The following CFDP1 variants were observed in gnomAD, a reference collection of about 807,000 sequenced individuals.
CFDP1 encodes heterochromatin-stabilizing protein CFDP1.
In CFDP1, 31 loss-of-function variants were observed where a neutral mutation model predicts 40.1. That is an observed-to-expected ratio of 0.77 (90% CI 0.58 to 1.04). CFDP1 has a LOEUF of 1.04. Among genes scored for constraint, CFDP1 ranks in the 50% least tolerant of loss-of-function variants. The pLI, the probability that CFDP1 is intolerant of heterozygous loss-of-function variation, is 0.00. For synonymous variants in CFDP1, 167 were observed against 120.0 expected (o/e 1.39, Z -2.56); for missense variants, 423 against 343.4 (o/e 1.23, Z -1.83).
rs2079165497 is a variant in CFDP1, at chr16:75,411,848, A to G, written c.507T>C (p.Phe169=). The G allele has an allele frequency of 6.2e-7, 1 of 1,609,046 alleles. No homozygotes were observed. The highest frequency in any genetic ancestry group is 1.1e-5 in the South Asian group (1 of 89,262). The change falls in exon 4 of 7, where the codon TTT becomes TTC. Residue 169 remains phenylalanine, a synonymous_variant. Transcript: ENST00000283882. ...ACCTTACTTCTTCACCAGCAAAATCAAACACCTTGGTGATTTTAACTTTTT... is the reference window on the plus strand; with the variant it reads ...ACCTTACTTCTTCACCAGCAAAATCGAACACCTTGGTGATTTTAACTTTTT... The part of the protein sequence containing the change: ...ETEKVKITKV[F]DFAGEEVRVT...
At chr16:75,332,592 G>A (rs1041633199) in intron 5 of CFDP1, among the ~76,000 whole-genome samples, 6 of 151,840 alleles carry the variant, frequency 4.0e-5, no homozygotes, top group Admixed American at 1.3e-4. Context: ...CTTTAAGCCC[G>A]AGAGGTTGAG....
chr16:75,319,173 A>T (rs1168096545), intron 5 of CFDP1, among the ~76,000 whole-genome samples: 3 of 152,114 alleles, frequency 2.0e-5, no homozygotes, highest in Admixed American at 1.3e-4. Context: ...ACTCCTGAGT[A>T]GCTGGGATTA....
chr16:75,348,441 A>G (rs1470688080), intron 5 of CFDP1, among the ~76,000 whole-genome samples: 1 of 152,240 alleles, frequency 6.6e-6, no homozygotes, highest in Non-Finnish European at 1.5e-5. Flanking sequence ...TAAAATTTAA[A>G]AACAATAAAC....
intron 5 of CFDP1, among the ~76,000 whole-genome samples, chr16:75,339,569 G>A (rs1194895230): frequency 2.6e-5 from 4 of 152,122 alleles, no homozygotes; most frequent in Non-Finnish European, 1.5e-5. Context: ...CTTCACCACT[G>A]CCAATCTCCA....
intron 1 of CFDP1, among the ~76,000 whole-genome samples, chr16:75,432,873 G>C (rs1028276663): frequency 1.3e-5 from 2 of 151,310 alleles, no homozygotes; most frequent in African/African-American, 2.4e-5. Context: ...ACAACCAGGC[G>C]GAGAGCGGAC....
intron 4 of CFDP1, among the ~76,000 whole-genome samples, chr16:75,404,105 C>T (rs932133464): frequency 2.6e-5 from 4 of 151,504 alleles, no homozygotes; most frequent in African/African-American, 9.7e-5. Flanking sequence ...GCACTCCAGC[C>T]TGGGCAACAG....
chr16:75,422,091 T>TTC (rs771733726), intron 1 of CFDP1, among the ~76,000 whole-genome samples: 6 of 151,934 alleles, frequency 3.9e-5, no homozygotes, highest in African/African-American at 7.3e-5. Flanking sequence ...CCCAAATACT[T>TTC]TCTCTCTCTC....
chr16:75,413,552 C>CAAAAAAAAAAAAAAAAAAAAAAAAA (rs9331624), intron 2 of CFDP1, among the ~76,000 whole-genome samples: 2 of 90,488 alleles, frequency 2.2e-5, no homozygotes, highest in African/African-American at 8.6e-5. Flanking sequence ...GACTCTGTCT[C>CAAAAAAAAAAAAAAAAAAAAAAAAA]AAAAAAAAAA....
chr16:75,349,650 CAAAAAAAAAAAAAAAAAAAAAAAAA>C (rs61472076), intron 5 of CFDP1, among the ~76,000 whole-genome samples: 30 of 23,224 alleles, frequency 1.3e-3, no homozygotes, highest in Non-Finnish European at 2.2e-3. Context: ...GACTCCGTCT[CAAAAAAAAAAAAAAAAAAAAAAAAA>C]AAAAAAAAAA....
chr16:75,417,856 G>A (rs1455859080), intron 1 of CFDP1, among the ~76,000 whole-genome samples: 1 of 151,832 alleles, frequency 6.6e-6, no homozygotes, highest in African/African-American at 2.4e-5. Context: ...TAACATCAAT[G>A]CTGGTATTTT....
intron 5 of CFDP1, among the ~76,000 whole-genome samples, chr16:75,320,611 G>C (rs1389450161): frequency 6.6e-6 from 1 of 152,212 alleles, no homozygotes; most frequent in Non-Finnish European, 1.5e-5. Context: ...CAGACTGTGA[G>C]AGTGTGTGAT....
chr16:75,394,110 A>C (rs1025498260), intron 5 of CFDP1, among the ~76,000 whole-genome samples: 3 of 152,212 alleles, frequency 2.0e-5, no homozygotes, highest in African/African-American at 7.2e-5. Flanking sequence ...GGTATGCTCC[A>C]GGAGGGAAGG....
chr16:75,369,464 T>G (rs1053350080), intron 5 of CFDP1, among the ~76,000 whole-genome samples: 1 of 152,112 alleles, frequency 6.6e-6, no homozygotes. Context: ...TCTAGCTAGA[T>G]GCAGGCTTCT....
intron 1 of CFDP1, among the ~76,000 whole-genome samples, chr16:75,420,111 C>CAAAAAAAAAAA (rs10706144): frequency 9.6e-5 from 6 of 62,622 alleles, no homozygotes; most frequent in African/African-American, 1.3e-4. Flanking sequence ...ACCTTCATCT[C>CAAAAAAAAAAA]AAAAAAAAAA....
intron 6 of CFDP1, among the ~76,000 whole-genome samples, chr16:75,303,105 C>T (rs970153700): frequency 6.6e-6 from 1 of 150,588 alleles, no homozygotes; most frequent in Non-Finnish European, 1.5e-5. Context: ...GAGGCTGAGG[C>T]AGGAGAATCG....
chr16:75,395,060 T>A, intron 5 of CFDP1, 30 bp downstream of exon 5: 1 of 1,612,638 alleles, frequency 6.2e-7, no homozygotes, highest in African/African-American at 1.3e-5. Flanking sequence ...ACGTGCCAAG[T>A]ACATCAGGGA....
At chr16:75,383,680 A>T (rs957859765) in intron 5 of CFDP1, among the ~76,000 whole-genome samples, 1 of 152,094 alleles carries the variant, frequency 6.6e-6, no homozygotes, top group African/African-American at 2.4e-5. Context: ...TTAGCCGGGC[A>T]TGGTGGTGGG....
At chr16:75,326,885 G>A (rs1412627201) in intron 5 of CFDP1, among the ~76,000 whole-genome samples, 4 of 152,102 alleles carry the variant, frequency 2.6e-5, no homozygotes, top group Non-Finnish European at 4.4e-5. Flanking sequence ...CATGTGAAGG[G>A]AGAAAAAAGT....
intron 5 of CFDP1, among the ~76,000 whole-genome samples, chr16:75,392,429 C>CAA (rs113597080): frequency 0.013 from 1,975 of 151,044 alleles, 27 homozygotes; most frequent in Middle Eastern, 0.027. Flanking sequence ...AACAAAGCAA[C>CAA]AAAAAAAAAC....
Sources: allele counts gnomAD v4.1 joint callset (sites outside exome capture counted in the v4.1 genomes callset), GRCh38; gene constraint gnomAD v4.1.1; transcripts MANE v1.5; gene names NCBI Gene and HGNC (gene_info 2026-07-23, HGNC 2026-07-21).